Variants in SCLT1 observed in about 807,000 individuals in gnomAD.
The protein encoded by SCLT1 is sodium channel and clathrin linker 1.
Under a neutral mutation model 112.8 loss-of-function variants are expected in SCLT1, and 78 were observed. That is an observed-to-expected ratio of 0.69 (90% CI 0.58 to 0.83). The LOEUF is 0.83. SCLT1 is among the 40% of genes least tolerant of loss of function. SCLT1 has a pLI of 0.00. For synonymous variants in SCLT1, 257 were observed against 254.7 expected (o/e 1.01, Z -0.09); for missense variants, 747 against 770.4 (o/e 0.97, Z 0.36).
At chr4:129,024,748 T>C (rs1745865199) in intron 5 of SCLT1, among the ~76,000 whole-genome samples, 1 of 152,180 alleles carries the variant, frequency 6.6e-6, no homozygotes, top group Admixed American at 6.5e-5. Context: ...ATCAAACTAC[T>C]CCGAGCTACA....
chr4:129,083,468 A>T (rs62316980), intron 1 of SCLT1, among the ~76,000 whole-genome samples: 16 of 139,542 alleles, frequency 1.1e-4, no homozygotes, highest in African/African-American at 4.0e-4. Context: ...AAAAAAAAAA[A>T]GGAAAATCCT....
intron 2 of SCLT1, among the ~76,000 whole-genome samples, chr4:129,072,121 G>A (rs749751409): frequency 1.1e-4 from 16 of 152,108 alleles, no homozygotes; most frequent in African/African-American, 3.1e-4. Flanking sequence ...TGTTTTGTCC[G>A]AAGAGGCTGA....
Position 128,987,441 on chromosome 4 carries a change from C to T in SCLT1, c.686+4726G>A, listed in dbSNP as rs375230198. 5.3e-5 allele frequency among the ~76,000 whole-genome samples: 8 copies of T among 152,184 alleles called. No homozygotes were observed. The East Asian group carries it at 9.6e-4, about 18-fold the overall frequency. ...TATTAATTGCTGTTTTGGGGAAGCT[C>T]AACAAATTTCAAGACAACAGAAGGA... On this transcript the variant is annotated intron_variant, in intron 9 of 20. Transcript: ENST00000281142.
intron 2 of SCLT1, among the ~76,000 whole-genome samples, chr4:129,050,857 GT>G (rs1748716233): frequency 6.6e-6 from 1 of 152,106 alleles, no homozygotes; most frequent in African/African-American, 2.4e-5. Flanking sequence ...GCTTTTTATG[GT>G]TTTGGCTTTT....
intron 4 of SCLT1, among the ~76,000 whole-genome samples, chr4:129,041,536 C>G (rs756823923): frequency 2.0e-5 from 3 of 152,144 alleles, no homozygotes; most frequent in Non-Finnish European, 4.4e-5. Context: ...GTTAAGCTAG[C>G]TCTAATCATC....
chr4:129,028,881 T>C lies in SCLT1; in HGVS notation c.290+10160A>G, dbSNP rs187008038. Among the ~76,000 whole-genome samples, 768 of 150,776 alleles carry C rather than the reference T, an allele frequency of 5.1e-3. 6 individuals are homozygous for C. Among genetic ancestry groups the C allele is most frequent in the African/African-American group, 0.017 (719 of 41,210 alleles). On this transcript the variant is annotated intron_variant, in intron 5 of 20. Coordinates refer to ENST00000281142, the MANE Select transcript of SCLT1 (RefSeq NM_144643.4). ...AGTGGGCAAAGGACATGAACAGACA[T>C]TTCTCAAAAGAAGACATTTATGCAG...
intron 8 of SCLT1, among the ~76,000 whole-genome samples, chr4:128,993,596 T>TATTTATG (rs1742760434): frequency 6.6e-6 from 1 of 152,222 alleles, no homozygotes; most frequent in Admixed American, 6.5e-5. Context: ...TGTTGTTCTA[T>TATTTATG]ATTTATGACC....
intron 8 of SCLT1, among the ~76,000 whole-genome samples, chr4:128,996,967 C>T (rs1323144492): frequency 6.6e-6 from 1 of 151,910 alleles, no homozygotes; most frequent in African/African-American, 2.4e-5. Flanking sequence ...GGTTAAAGTA[C>T]TAATTCCATA....
chr4:129,069,349 G>C (rs1579921455), intron 2 of SCLT1, among the ~76,000 whole-genome samples: 1 of 152,110 alleles, frequency 6.6e-6, no homozygotes, highest in Admixed American at 6.6e-5. Context: ...GGAATCTGTA[G>C]ATTGCTTTTG....
At chr4:128,907,950 T>C (rs532449879) in intron 18 of SCLT1, among the ~76,000 whole-genome samples, 1 of 152,290 alleles carries the variant, frequency 6.6e-6, no homozygotes, top group African/African-American at 2.4e-5. Flanking sequence ...ATAAGAAATT[T>C]AAATTTAGGC....
At chr4:128,978,384 T>C (rs571320773) in intron 9 of SCLT1, among the ~76,000 whole-genome samples, 3 of 151,966 alleles carry the variant, frequency 2.0e-5, no homozygotes, top group African/African-American at 4.8e-5. Context: ...CTAAGAAATG[T>C]ATACTTTTCA....
intron 9 of SCLT1, among the ~76,000 whole-genome samples, chr4:128,990,107 G>A (rs1329950389): frequency 6.6e-6 from 1 of 151,814 alleles, no homozygotes; most frequent in Non-Finnish European, 1.5e-5. Context: ...TATGAAGTCA[G>A]TATCACCCTG....
intron 18 of SCLT1, among the ~76,000 whole-genome samples, chr4:128,899,592 G>T (rs1734093781): frequency 6.6e-6 from 1 of 152,150 alleles, no homozygotes; most frequent in Non-Finnish European, 1.5e-5. Context: ...AAAACTGGAA[G>T]CATTCCCTTT....
intron 18 of SCLT1, among the ~76,000 whole-genome samples, chr4:128,922,498 C>T (rs1384112368): frequency 3.3e-5 from 5 of 152,206 alleles, no homozygotes; most frequent in African/African-American, 1.2e-4. Context: ...ATGTCCTTTG[C>T]AGCAACACGG....
chr4:128,924,700 A>T (rs1181939125), intron 18 of SCLT1, among the ~76,000 whole-genome samples: 1 of 152,078 alleles, frequency 6.6e-6, no homozygotes, highest in Non-Finnish European at 1.5e-5. Flanking sequence ...TTTTATGCTT[A>T]GGTCTATGAT....
intron 2 of SCLT1, among the ~76,000 whole-genome samples, chr4:129,056,569 T>C (rs1749414942): frequency 6.6e-6 from 1 of 152,240 alleles, no homozygotes; most frequent in Non-Finnish European, 1.5e-5. Flanking sequence ...AATTTATTCT[T>C]AGATATTTTC....
chr4:129,042,153 C>A (rs1466418169), intron 4 of SCLT1, among the ~76,000 whole-genome samples: 1 of 152,128 alleles, frequency 6.6e-6, no homozygotes, highest in Non-Finnish European at 1.5e-5. Context: ...GGTATCTAAA[C>A]CAAATCCAAT....
intron 4 of SCLT1, among the ~76,000 whole-genome samples, chr4:129,042,653 T>G (rs1237683901): frequency 6.6e-6 from 1 of 152,106 alleles, no homozygotes; most frequent in African/African-American, 2.4e-5. Context: ...AAGAGAATAT[T>G]TTTTTTCTTC....
At chr4:129,064,867 C>G (rs927788539) in intron 2 of SCLT1, among the ~76,000 whole-genome samples, 4 of 152,042 alleles carry the variant, frequency 2.6e-5, no homozygotes, top group African/African-American at 4.8e-5. Context: ...ATTTGAAACC[C>G]TTAAAATTTG....
Sources: gnomAD v4.1 joint callset for allele counts (sites outside exome capture counted in the v4.1 genomes callset) on GRCh38, gnomAD v4.1.1 for gene constraint, MANE v1.5 for transcripts, NCBI Gene and HGNC (gene_info 2026-07-23, HGNC 2026-07-21) for gene names.